Variants in PGM5 observed in about 807,000 individuals in gnomAD.
PGM5 encodes the protein phosphoglucomutase-like protein 5.
In PGM5, 23 loss-of-function variants were observed where a neutral mutation model predicts 59.2. The observed-to-expected ratio is 0.39, with a 90% confidence interval of 0.28 to 0.55. The LOEUF (loss-of-function observed/expected upper bound fraction) is 0.55. Ranked by LOEUF, PGM5 falls within the 20% of genes least tolerant of loss-of-function variation. The probability of loss-of-function intolerance (pLI) is 0.66; values close to 1 mark genes in which losing one functional copy is unlikely to be tolerated. For synonymous variants in PGM5, 214 were observed against 286.0 expected, an observed-to-expected ratio of 0.75 and a Z score of 2.54; for missense variants, 574 against 748.3, an observed-to-expected ratio of 0.77 and a Z score of 2.72.
Position 68,519,694 on chromosome 9 carries a change from A to C in PGM5, c.1615-9873A>C, listed in dbSNP as rs189038514. On this transcript the variant is annotated intron_variant, in intron 10 of 10. Coordinates refer to ENST00000396396, the MANE Select transcript of PGM5 (RefSeq NM_021965.4). Reference sequence around the variant, plus strand: ...AAAAAGAAAAACAGCTAGGTCAAGTAAAAAGCACATAAGGTGGTGGATTTA... The same window carrying C: ...AAAAAGAAAAACAGCTAGGTCAAGTCAAAAGCACATAAGGTGGTGGATTTA... Among the ~76,000 whole-genome samples the C allele has an allele frequency of 2.0e-3, 303 of 151,886 alleles. 1 individual carries two copies. Among genetic ancestry groups the C allele is most frequent in the African/African-American group, 6.7e-3 (279 of 41,528 alleles).
chr9:68,377,715 C>T (rs1364894850), intron 1 of PGM5, among the ~76,000 whole-genome samples: 2 of 152,272 alleles, frequency 1.3e-5, no homozygotes, highest in Non-Finnish European at 2.9e-5. Flanking sequence ...CTGAAGATTA[C>T]AGTTAAAATA....
At chr9:68,432,782 T>A (rs1006038675) in intron 6 of PGM5, among the ~76,000 whole-genome samples, 2 of 152,062 alleles carry the variant, frequency 1.3e-5, no homozygotes, top group Middle Eastern at 3.2e-3. Context: ...ATTTTTGGTA[T>A]TTTTAGTAGA....
intron 9 of PGM5, chr9:68,498,873 G>A: frequency 4.1e-6 from 1 of 243,760 alleles, no homozygotes. Flanking sequence ...GATTTACAAG[G>A]GACAAACTTT....
chr9:68,477,763 ACATCTGGG>A (rs1181705136), intron 7 of PGM5, among the ~76,000 whole-genome samples: 6 of 152,240 alleles, frequency 3.9e-5, no homozygotes, highest in African/African-American at 1.4e-4. Flanking sequence ...ACTGTTCTGA[ACATCTGGG>A]CATATTTAGT....
At position 68,513,483 on chromosome 9, in the gene PGM5, T is replaced by G. The variant is rs138167384; in HGVS notation, c.1614+14122T>G. Among the ~76,000 whole-genome samples the G allele has an allele frequency of 5.2e-3, 799 of 152,318 alleles. 8 individuals are homozygous for G. The highest frequency in any genetic ancestry group is 9.6e-3 in the Admixed American group (147 of 15,296). On this transcript the variant is annotated intron_variant, in intron 10 of 10. Transcript: ENST00000396396. ...TAAATGGGATGAAAAAAGAAAAGTA[T>G]GAATATGAGCCCTGGTGAATTCTTA...
chr9:68,385,066 T>C (rs1448869193), intron 3 of PGM5, among the ~76,000 whole-genome samples: 1 of 152,024 alleles, frequency 6.6e-6, no homozygotes. Flanking sequence ...CTATCAAATA[T>C]ATTTAGGCAA....
intron 6 of PGM5, among the ~76,000 whole-genome samples, chr9:68,415,586 A>C (rs1554681909): frequency 8.4e-6 from 1 of 118,366 alleles, no homozygotes; most frequent in African/African-American, 3.7e-5. Flanking sequence ...CTTAGACATA[A>C]CTCAAATTCA....
chr9:68,461,950 A>G (rs1823864294), intron 6 of PGM5, among the ~76,000 whole-genome samples: 1 of 152,124 alleles, frequency 6.6e-6, no homozygotes, highest in African/African-American at 2.4e-5. Context: ...ATTTAAGGGC[A>G]TATTTGGAAA....
chr9:68,384,283 A>G (rs1822157616), intron 2 of PGM5, 115 bp from the exon 3 acceptor site: 1 of 708,212 alleles, frequency 1.4e-6, no homozygotes, highest in East Asian at 2.5e-5. Context: ...ACCATTGATC[A>G]TTGTTTAGAG....
intron 9 of PGM5, among the ~76,000 whole-genome samples, chr9:68,487,769 G>A (rs1824320762): frequency 6.6e-6 from 1 of 152,126 alleles, no homozygotes; most frequent in Non-Finnish European, 1.5e-5. Flanking sequence ...TTCTCTTCAA[G>A]AGCAGCTTTC....
At chr9:68,513,321 A>G (rs150396278) in intron 10 of PGM5, among the ~76,000 whole-genome samples, 1 of 152,252 alleles carries the variant, frequency 6.6e-6, no homozygotes, top group East Asian at 1.9e-4. Context: ...GTTTGTATTC[A>G]TGAAATCAAA....
intron 6 of PGM5, among the ~76,000 whole-genome samples, chr9:68,400,026 C>T (rs1156583418): frequency 6.6e-6 from 1 of 152,042 alleles, no homozygotes; most frequent in African/African-American, 2.4e-5. Context: ...TTCTCCATTC[C>T]TACATTTCCT....
intron 1 of PGM5, among the ~76,000 whole-genome samples, chr9:68,369,712 G>T (rs1834748147): frequency 6.6e-6 from 1 of 152,154 alleles, no homozygotes; most frequent in Non-Finnish European, 1.5e-5. Flanking sequence ...ATTAGGAATT[G>T]ATTATGAAAT....
At chr9:68,404,437 A>C (rs1237099398) in intron 6 of PGM5, among the ~76,000 whole-genome samples, 1 of 152,142 alleles carries the variant, frequency 6.6e-6, no homozygotes, top group African/African-American at 2.4e-5. Flanking sequence ...CCTAAGTTTT[A>C]AATCTGAGAT....
chr9:68,440,148 G>A (rs965769989), intron 6 of PGM5, among the ~76,000 whole-genome samples: 1 of 152,168 alleles, frequency 6.6e-6, no homozygotes, highest in Non-Finnish European at 1.5e-5. Context: ...AGTCTTCTGT[G>A]AGAAACTGAC....
intron 6 of PGM5, among the ~76,000 whole-genome samples, chr9:68,402,125 G>A (rs1259205204): frequency 6.6e-6 from 1 of 152,070 alleles, no homozygotes; most frequent in African/African-American, 2.4e-5. Flanking sequence ...TTAGCTGGGT[G>A]TGGTGGCGCA....
intron 4 of PGM5, among the ~76,000 whole-genome samples, chr9:68,389,550 C>T (rs782448271): frequency 5.9e-5 from 9 of 152,126 alleles, no homozygotes; most frequent in Non-Finnish European, 8.8e-5. Flanking sequence ...TTTCGATATA[C>T]ATTCCTGGTG....
chr9:68,515,025 A>C (rs1421379454), intron 10 of PGM5, among the ~76,000 whole-genome samples: 1 of 152,262 alleles, frequency 6.6e-6, no homozygotes, highest in African/African-American at 2.4e-5. Flanking sequence ...TCAAAATAAC[A>C]GTGGATGAGG....
At position 68,376,851 on chromosome 9, in the gene PGM5, CTCTT is replaced by C. The variant is rs1301320420; in HGVS notation, c.262-1338_262-1335del. 6.5e-4 allele frequency among the ~76,000 whole-genome samples: 53 copies of C among 81,868 alleles called. 1 individual carries two copies. The highest frequency in any genetic ancestry group is 4.9e-3 in the Admixed American group (34 of 6,948). 53.7% of individuals were successfully genotyped at this position (81,868 alleles called of 152,430 possible). On this transcript the variant is annotated intron_variant, in intron 1 of 10. Transcript: ENST00000396396. ...TTTCTTTCTCTTTCTTTCTTTCTTT[CTCTT>C]TCTTTCTTTTTTCTTTCTCTTTCTT...
Sources: gnomAD v4.1 joint callset for allele counts (sites outside exome capture counted in the v4.1 genomes callset) on GRCh38, gnomAD v4.1.1 for gene constraint, MANE v1.5 for transcripts, NCBI Gene and HGNC (gene_info 2026-07-23, HGNC 2026-07-21) for gene names.